The following ANTXRL variants were observed in gnomAD, a reference collection of about 807,000 sequenced individuals.
ANTXRL encodes the protein anthrax toxin receptor-like.
In ANTXRL, 63 loss-of-function variants were observed where a neutral mutation model predicts 75.4. The observed-to-expected ratio is 0.84, with a 90% CI of 0.68 to 1.03. The LOEUF is 1.03. ANTXRL is among the 50% of genes least tolerant of loss of function. The pLI is 0.00. For missense variants in ANTXRL, 797 were observed against 789.4 expected (o/e 1.01, Z -0.12); for synonymous variants, 335 against 291.3 (o/e 1.15, Z -1.53).
At chr10:46,318,128 G>GC (rs1479596398) in intron 16 of ANTXRL, among the ~76,000 whole-genome samples, 2 of 152,114 alleles carry the variant, frequency 1.3e-5, no homozygotes, top group African/African-American at 2.4e-5. Flanking sequence ...CAGTGTTAGT[G>GC]CCCGGGGTCC....
At chr10:46,319,987 C>A (rs1476813915) in intron 16 of ANTXRL, among the ~76,000 whole-genome samples, 3 of 152,146 alleles carry the variant, frequency 2.0e-5, no homozygotes, top group Non-Finnish European at 2.9e-5. Context: ...TGTGAAGCTG[C>A]ATGATGTTCC....
rs1836817090 is a variant in ANTXRL, at chr10:46,287,597, A to T, written c.248+87A>T. 4.2e-6 allele frequency: 6 copies of T among 1,445,770 alleles called. No homozygotes were observed. The African/African-American group carries it at 4.3e-5, about 10-fold the overall frequency. The allele number at this position is 1,445,770 out of a possible 1,614,324, so 89.6% of individuals were successfully genotyped here. ...TAGGGACAGGACACCACTCAAGGAG[A>T]TGCAAGCTTCCGTCACAGAAGCAGG... On this transcript the variant is annotated intron_variant, in intron 1 of 16. Transcript: ENST00000620264.
chr10:46,287,613 C>T (rs79843714), intron 1 of ANTXRL, 103 bp downstream of exon 1: 325 of 1,427,872 alleles, frequency 2.3e-4, no homozygotes, highest in Non-Finnish European at 2.9e-4. Context: ...GCTTCCGTCA[C>T]AGAAGCAGGG....
intron 1 of ANTXRL, among the ~76,000 whole-genome samples, chr10:46,288,247 T>C (rs1836842951): frequency 6.6e-6 from 1 of 152,116 alleles, no homozygotes; most frequent in African/African-American, 2.4e-5. Flanking sequence ...TTCAGGAGAA[T>C]GTTGCAGCAC....
In ANTXRL at chr10:46,292,116, G is replaced by A. The variant is rs1554956667; in HGVS notation, c.307G>A (p.Ala103Thr). ...TTATATGTGGGTGGAGGAAACAGTGGCGAGGTTCCAAAGGTACAGATCTCT... is the reference window on the plus strand; with the variant it reads ...TTATATGTGGGTGGAGGAAACAGTGACGAGGTTCCAAAGGTACAGATCTCT... ...DLYMWVEETVARFQSPNIRMC... is the reference protein window; with the variant it reads ...DLYMWVEETVTRFQSPNIRMC... The change falls in exon 2 of 17, where the codon GCG (alanine) becomes ACG (threonine). Residue 103 changes from alanine (A) to threonine (T), a missense_variant. Physicochemically the swap from Ala to Thr is moderately conservative, Grantham distance 58 (BLOSUM62 0). Coordinates refer to ENST00000620264, the MANE Select transcript of ANTXRL (RefSeq NM_001278688.3). 5.9e-6 allele frequency: 9 copies of A among 1,536,236 alleles called. No individual in the cohort carries two copies. Among genetic ancestry groups the A allele is most frequent in the Non-Finnish European group, 7.8e-6 (9 of 1,146,796 alleles).
At chr10:46,309,006 T>C in intron 12 of ANTXRL, 107 bp from the exon 13 acceptor site, 1 of 1,465,962 alleles carries the variant, frequency 6.8e-7, no homozygotes, top group Non-Finnish European at 9.2e-7. Context: ...AGTACCCGGA[T>C]GCGGGGCCAG....
intron 16 of ANTXRL, among the ~76,000 whole-genome samples, chr10:46,322,738 A>C (rs1429811391): frequency 1.3e-5 from 2 of 152,184 alleles, no homozygotes; most frequent in Non-Finnish European, 2.9e-5. Flanking sequence ...CATTGAATTT[A>C]CATCCTTTAG....
At chr10:46,297,161 T>C (rs1837429311) in intron 5 of ANTXRL, 91 bp from the exon 6 acceptor site, 4 of 1,083,802 alleles carry the variant, frequency 3.7e-6, no homozygotes, top group Non-Finnish European at 5.4e-6. Flanking sequence ...TGGGCAGCGC[T>C]GTGGGCCCAG....
intron 9 of ANTXRL, 54 bp downstream of exon 9, chr10:46,298,116 G>A: frequency 2.5e-6 from 3 of 1,219,428 alleles, no homozygotes; most frequent in South Asian, 1.3e-5. Context: ...ATGAGTGCAT[G>A]CGTGTATGGA....
At chr10:46,306,187 A>G (rs1454819164) in intron 10 of ANTXRL, among the ~76,000 whole-genome samples, 3 of 152,156 alleles carry the variant, frequency 2.0e-5, no homozygotes, top group South Asian at 2.1e-4. Context: ...CATCTTTTTA[A>G]TCTCAGCTGG....
At chr10:46,294,319 G>A (rs1242677152) in intron 3 of ANTXRL, among the ~76,000 whole-genome samples, 1 of 152,148 alleles carries the variant, frequency 6.6e-6, no homozygotes, top group Non-Finnish European at 1.5e-5. Flanking sequence ...CAGGGTCAAA[G>A]CTGGTGGTGG....
chr10:46,287,416 C>A lies in ANTXRL; in HGVS notation c.154C>A (p.His52Asn). The A allele has an allele frequency of 6.5e-7, 1 of 1,535,908 alleles. No homozygotes were observed. The highest frequency in any genetic ancestry group is 1.2e-5 in the South Asian group (1 of 84,042). Reference sequence around the variant, plus strand: ...GGCCCTGGGCTCCAGGAGAGCCCACCACCACCATGGCCCAGGATGGAGGCA... The same window carrying A: ...GGCCCTGGGCTCCAGGAGAGCCCACAACCACCATGGCCCAGGATGGAGGCA... ...RLALGSRRAH[H>N]HHGPGWRQHW... Residue 52 changes from histidine (H) to asparagine (N), a missense_variant, in exon 1 of 17, where the codon CAC (histidine) becomes AAC (asparagine). Coordinates refer to ENST00000620264, the MANE Select transcript of ANTXRL (RefSeq NM_001278688.3).
chr10:46,304,186 G>A (rs1330261480), intron 10 of ANTXRL, among the ~76,000 whole-genome samples: 1 of 152,102 alleles, frequency 6.6e-6, no homozygotes, highest in Non-Finnish European at 1.5e-5. Flanking sequence ...ATCAGATATC[G>A]TGCCAAGTGC....
At position 46,287,361 on chromosome 10, in the gene ANTXRL, T is replaced by C. The variant is rs78983634; in HGVS notation, c.99T>C (p.His33=). The C allele has an allele frequency of 5.9e-6, 9 of 1,535,942 alleles. No individual in the cohort carries two copies. Among genetic ancestry groups the C allele is most frequent in the Non-Finnish European group, 4.4e-6 (5 of 1,146,758 alleles). ...PLFRAGSLRY[H]GPDWRIFHRL... ...TTAGAGCAGGAAGCCTTCGGTACCA[T>C]GGACCTGACTGGAGAATATTTCACC... Residue 33 remains histidine (H), a synonymous_variant, in exon 1 of 17, where the codon CAT becomes CAC. Transcript: ENST00000620264.
intron 2 of ANTXRL, among the ~76,000 whole-genome samples, chr10:46,293,405 T>G (rs1837147894): frequency 1.3e-5 from 2 of 149,776 alleles, no homozygotes; most frequent in African/African-American, 2.5e-5. Flanking sequence ...TGTGTGAGTG[T>G]GTGCCTGTGT....
chr10:46,330,021 C>G lies in ANTXRL; in HGVS notation c.1833C>G (p.Ser611=), dbSNP rs1337612705. 1 of 1,534,168 alleles carries G rather than the reference C, an allele frequency of 6.5e-7. No homozygotes were observed. Among genetic ancestry groups the G allele is most frequent in the Non-Finnish European group, 8.7e-7 (1 of 1,145,534 alleles). ...CCTCCAGGATGCTGCCGCTGCTGTC[C>G]CCACTGCTCAGGCACACGGCAGAAC... is the stretch of plus-strand genomic sequence containing the variant. ...RPPSRMLPLL[S]PLLRHTAEPP... Residue 611 remains serine (S), a synonymous_variant, in exon 17 of 17, where the codon TCC becomes TCG. Coordinates refer to ENST00000620264, the MANE Select transcript of ANTXRL (RefSeq NM_001278688.3).
intron 10 of ANTXRL, 66 bp from the exon 11 acceptor site, chr10:46,306,737 C>A: frequency 1.5e-6 from 2 of 1,367,004 alleles, no homozygotes; most frequent in Non-Finnish European, 2.0e-6. Flanking sequence ...ATGCTGAGGA[C>A]AGACATGGGG....
Position 46,330,111 on chromosome 10 carries a change from C to A in ANTXRL, c.*27C>A. On this transcript the variant is annotated 3_prime_UTR_variant, in exon 17 of 17. Transcript: ENST00000620264. ...GCACCAAACACCCAAGATTAACAGG[C>A]TTTTGTTGCTGAACTGGACATATAC... 1.4e-6 allele frequency: 2 copies of A among 1,477,332 alleles called. No homozygotes were observed. The highest frequency in any genetic ancestry group is 9.0e-7 in the Non-Finnish European group (1 of 1,117,164). 91.5% of individuals were successfully genotyped at this position (1,477,332 alleles called of 1,614,324 possible). A position where few individuals can be genotyped will look rare whatever the true frequency, so the allele number is the denominator to read the frequency against.
intron 16 of ANTXRL, among the ~76,000 whole-genome samples, chr10:46,321,800 G>A (rs1257613108): frequency 6.6e-6 from 1 of 152,080 alleles, no homozygotes. Flanking sequence ...TATTTCGTAA[G>A]GTATCAACTT....
Sources: gnomAD v4.1 joint callset for allele counts (sites outside exome capture counted in the v4.1 genomes callset) on GRCh38, gnomAD v4.1.1 for gene constraint, MANE v1.5 for transcripts, NCBI Gene and HGNC (gene_info 2026-07-23, HGNC 2026-07-21) for gene names.